SNX8: variants seen among roughly 807,000 people sequenced by gnomAD.
SNX8 encodes sorting nexin 8.
A neutral mutation model predicts 51.6 loss-of-function variants in SNX8; 25 were observed. The observed-to-expected ratio is 0.48, with a 90% CI of 0.35 to 0.68. SNX8 has a LOEUF of 0.68. Ranked by LOEUF, SNX8 falls within the 30% of genes least tolerant of loss-of-function variation. The pLI, the probability that SNX8 is intolerant of heterozygous loss-of-function variation, is 0.00. For missense variants in SNX8, 695 were observed against 624.0 expected, an observed-to-expected ratio of 1.11 and a Z score of -1.21; for synonymous variants, 324 against 277.0, an observed-to-expected ratio of 1.17 and a Z score of -1.68.
intron 5 of SNX8, among the ~76,000 whole-genome samples, chr7:2,268,606 C>A (rs1795553248): frequency 7.4e-6 from 1 of 135,172 alleles, no homozygotes; most frequent in African/African-American, 2.8e-5. Context: ...GTGGGGGGGT[C>A]AGCCCTCCGC....
At chr7:2,259,105 T>C (rs1795274244) in intron 7 of SNX8, among the ~76,000 whole-genome samples, 1 of 152,278 alleles carries the variant, frequency 6.6e-6, no homozygotes, top group East Asian at 1.9e-4. Flanking sequence ...TCCAAAGCCC[T>C]GGGCTCCAGC....
At chr7:2,285,287 G>A (rs1796002237) in intron 1 of SNX8, among the ~76,000 whole-genome samples, 2 of 150,530 alleles carry the variant, frequency 1.3e-5, no homozygotes, top group Admixed American at 1.3e-4. Flanking sequence ...TACTTGGGAG[G>A]CTGAGGCAGG....
intron 1 of SNX8, among the ~76,000 whole-genome samples, chr7:2,337,729 T>G (rs1175539430): frequency 6.6e-6 from 1 of 151,658 alleles, no homozygotes; most frequent in Non-Finnish European, 1.5e-5. Context: ...TTTTAGATGT[T>G]AGTTAAAGAA....
chr7:2,314,443 A>T, upstream of SNX8: 6 of 1,207,572 alleles, frequency 5.0e-6, no homozygotes, highest in Non-Finnish European at 6.2e-6. Flanking sequence ...CTCCCACGTG[A>T]CTTCCTCCCG....
chr7:2,263,150 C>T lies in SNX8; in HGVS notation c.915+80G>A. 4 of 1,491,544 alleles carry T rather than the reference C, an allele frequency of 2.7e-6. No individual in the cohort carries two copies. The Admixed American group carries it at 5.8e-5, about 21-fold the overall frequency. 92.4% of individuals were successfully genotyped at this position (1,491,544 alleles called of 1,614,324 possible). ...CAAAACAAAAACGAACTGTGACGCC[C>T]ATCTAAGCAGGAGGCACTCCCCATG... On this transcript the variant is annotated intron_variant, in intron 7 of 10. Transcript: ENST00000222990.
intron 1 of SNX8, among the ~76,000 whole-genome samples, chr7:2,335,479 T>C (rs1778810477): frequency 6.7e-6 from 1 of 148,786 alleles, no homozygotes; most frequent in African/African-American, 2.5e-5. Flanking sequence ...CCAGAGCCCA[T>C]CTCAATAAAA....
At chr7:2,268,329 G>T (rs1444891001) in intron 5 of SNX8, among the ~76,000 whole-genome samples, 2 of 144,348 alleles carry the variant, frequency 1.4e-5, no homozygotes, top group Admixed American at 6.8e-5. Context: ...GAGAAGTGAG[G>T]AGCCCCTCCG....
intron 3 of SNX8, among the ~76,000 whole-genome samples, chr7:2,272,418 A>C (rs1261563210): frequency 1.3e-5 from 2 of 149,462 alleles, no homozygotes; most frequent in African/African-American, 4.9e-5. Context: ...CCTGTTGCCC[A>C]GGCTGGAGTG....
intron 4 of SNX8, among the ~76,000 whole-genome samples, chr7:2,270,114 T>G (rs1795607947): frequency 6.6e-6 from 1 of 151,912 alleles, no homozygotes. Flanking sequence ...CCCAGGGAGC[T>G]GCTGGGCAGA....
chr7:2,351,194 G>A (rs889581090), intron 1 of SNX8, among the ~76,000 whole-genome samples: 3 of 152,098 alleles, frequency 2.0e-5, no homozygotes, highest in South Asian at 4.1e-4. Flanking sequence ...AGCCTCATCC[G>A]GCCATCTCTG....
chr7:2,314,429 C>A lies in SNX8; in HGVS notation c.-8G>T. 1 of 1,212,686 alleles carries A rather than the reference C, an allele frequency of 8.2e-7. No homozygotes were observed. The highest frequency in any genetic ancestry group is 1.0e-6 in the Non-Finnish European group (1 of 975,452). 75.1% of individuals were successfully genotyped at this position (1,212,686 alleles called of 1,614,324 possible). A position where few individuals can be genotyped will look rare whatever the true frequency, so the allele number is the denominator to read the frequency against. ...CATCGCGCGGCCAGTCATGTGAGCCCGCGCTCCCACGTGACTTCCTCCCGC... is the reference window on the plus strand; with the variant it reads ...CATCGCGCGGCCAGTCATGTGAGCCAGCGCTCCCACGTGACTTCCTCCCGC... On this transcript the variant is annotated 5_prime_UTR_variant, in exon 1 of 11. Transcript: ENST00000222990.
chr7:2,326,348 A>T (rs984638976), intron 1 of SNX8, among the ~76,000 whole-genome samples: 10 of 149,402 alleles, frequency 6.7e-5, no homozygotes, highest in African/African-American at 2.5e-4. Flanking sequence ...CTAGCAAGAG[A>T]GTGAGACCCT....
At chr7:2,316,949 G>A (rs1479844968), upstream of SNX8, among the ~76,000 whole-genome samples, 1 of 152,222 alleles carries the variant, frequency 6.6e-6, no homozygotes, top group African/African-American at 2.4e-5. Context: ...GGCACAGATG[G>A]CCAGAGTGGA....
intron 5 of SNX8, among the ~76,000 whole-genome samples, chr7:2,266,970 A>T (rs1562425993): frequency 1.3e-5 from 2 of 152,280 alleles, no homozygotes; most frequent in Non-Finnish European, 2.9e-5. Context: ...TGCTGACACA[A>T]GCATCCGTCT....
In SNX8 at chr7:2,291,989, C is replaced by T. The variant is rs534615025; in HGVS notation, c.95-13684G>A. On this transcript the variant is annotated intron_variant, in intron 1 of 10. Transcript: ENST00000222990. ...TTCAAAAGCATGAGGCATGGCTGGG[C>T]GCACTGGCTCATGCCTGTAATCCCA... Among the ~76,000 whole-genome samples the T allele has an allele frequency of 5.7e-4, 87 of 152,284 alleles. 1 individual carries two copies. The highest frequency in any genetic ancestry group is 1.9e-3 in the African/African-American group (77 of 41,560).
At position 2,254,974 on chromosome 7, in the gene SNX8, T is replaced by A. The variant is rs973485320; in HGVS notation, c.*82A>T. ...GGCGTGGCGGGGAGGGGAGCTGCCG[T>A]CCAAAGGGAATTACACCGGGACACA... On this transcript the variant is annotated 3_prime_UTR_variant, in exon 11 of 11. Coordinates refer to ENST00000222990, the MANE Select transcript of SNX8 (RefSeq NM_013321.4). The A allele has an allele frequency of 3.4e-5, 33 of 981,520 alleles. No individual in the cohort carries two copies. Among genetic ancestry groups the A allele is most frequent in the Non-Finnish European group, 5.2e-5 (33 of 636,400 alleles). 60.8% of individuals were successfully genotyped at this position (981,520 alleles called of 1,614,324 possible). A position where few individuals can be genotyped will look rare whatever the true frequency, so the allele number is the denominator to read the frequency against.
At chr7:2,267,315 T>A (rs890043980) in intron 5 of SNX8, among the ~76,000 whole-genome samples, 11 of 55,076 alleles carry the variant, frequency 2.0e-4, no homozygotes, top group African/African-American at 7.2e-4. Flanking sequence ...TCCCTCCCCC[T>A]CCCCCTCCCC....
chr7:2,302,975 T>A (rs1299002643), intron 1 of SNX8, among the ~76,000 whole-genome samples: 1 of 146,576 alleles, frequency 6.8e-6, no homozygotes, highest in Non-Finnish European at 1.5e-5. Flanking sequence ...GTGAGGAGCG[T>A]CTCCGCCCGG....
chr7:2,312,532 G>A (rs1796677892), intron 1 of SNX8, among the ~76,000 whole-genome samples: 1 of 152,032 alleles, frequency 6.6e-6, no homozygotes, highest in Non-Finnish European at 1.5e-5. Context: ...CTGATACAAG[G>A]GAAAGGAAAA....
Sources: gnomAD v4.1 joint callset for allele counts (sites outside exome capture counted in the v4.1 genomes callset) on GRCh38, gnomAD v4.1.1 for gene constraint, MANE v1.5 for transcripts, NCBI Gene and HGNC (gene_info 2026-07-23, HGNC 2026-07-21) for gene names.